NUDT3: variants seen among roughly 807,000 people sequenced by gnomAD.
NUDT3 encodes the protein diphosphoinositol polyphosphate phosphohydrolase 1.
In NUDT3, 9 loss-of-function variants were observed where a neutral mutation model predicts 23.6. That is an observed-to-expected ratio of 0.38 (90% CI 0.23 to 0.66). The LOEUF (loss-of-function observed/expected upper bound fraction) is 0.66, where lower values mean the gene tolerates loss of function less well. Ranked by LOEUF, NUDT3 falls within the 30% of genes least tolerant of loss-of-function variation. The probability of loss-of-function intolerance (pLI) is 0.52; values close to 1 mark genes in which losing one functional copy is unlikely to be tolerated. For missense variants in NUDT3, 172 were observed against 218.5 expected (o/e 0.79, Z 1.34); for synonymous variants, 86 against 82.6 (o/e 1.04, Z -0.22).
chr6:34,357,430 G>C (rs530691432), intron 1 of NUDT3, among the ~76,000 whole-genome samples: 71 of 151,962 alleles, frequency 4.7e-4, no homozygotes, highest in Admixed American at 1.8e-3. Flanking sequence ...CTGGACAACA[G>C]GGCAAAACCT....
chr6:34,342,570 C>T (rs934586615), intron 1 of NUDT3, among the ~76,000 whole-genome samples: 15 of 152,208 alleles, frequency 9.9e-5, no homozygotes, highest in Non-Finnish European at 2.1e-4. Context: ...TTCAGCTAAA[C>T]TAAAACTGGA....
chr6:34,307,795 A>C (rs1209687946), intron 2 of NUDT3, among the ~76,000 whole-genome samples: 1 of 152,030 alleles, frequency 6.6e-6, no homozygotes, highest in Non-Finnish European at 1.5e-5. Context: ...ATCCAACTAC[A>C]CTTTAAACAT....
chr6:34,319,047 A>G (rs1763901772), intron 2 of NUDT3, among the ~76,000 whole-genome samples: 1 of 152,040 alleles, frequency 6.6e-6, no homozygotes, highest in Non-Finnish European at 1.5e-5. Flanking sequence ...AGTAAAAAAA[A>G]AAAAGGGCTG....
At chr6:34,359,046 A>C (rs1042341149) in intron 1 of NUDT3, among the ~76,000 whole-genome samples, 1 of 152,188 alleles carries the variant, frequency 6.6e-6, no homozygotes, top group Non-Finnish European at 1.5e-5. Context: ...TATCACAATA[A>C]ATCACAGAAA....
rs577859141 is a variant in NUDT3, at chr6:34,309,699, C to T, written c.211-14014G>A. On this transcript the variant is annotated intron_variant, in intron 2 of 4. Transcript: ENST00000607016. ...ATATAAAAATTGATAAGTCTTCAGC[C>T]ACGCTAATTAAGAAAAAAAGAAGAC... is the stretch of plus-strand genomic sequence containing the variant. Among the ~76,000 whole-genome samples, 4 of 151,738 alleles carry T rather than the reference C, an allele frequency of 2.6e-5. No individual in the cohort carries two copies. The East Asian group carries it at 7.7e-4, about 29-fold the overall frequency.
chr6:34,381,964 T>TC (rs1190886286), intron 1 of NUDT3, among the ~76,000 whole-genome samples: 4 of 146,816 alleles, frequency 2.7e-5, no homozygotes, highest in Non-Finnish European at 4.4e-5. Context: ...CCCCAGCTAC[T>TC]CGGGAGGCTG....
At chr6:34,365,800 G>A (rs1045670467) in intron 1 of NUDT3, among the ~76,000 whole-genome samples, 1 of 152,160 alleles carries the variant, frequency 6.6e-6, no homozygotes, top group Non-Finnish European at 1.5e-5. Flanking sequence ...CCAGCACTTT[G>A]GGAGGCCAAG....
intron 2 of NUDT3, among the ~76,000 whole-genome samples, chr6:34,329,722 T>C (rs185288850): frequency 6.6e-6 from 1 of 152,328 alleles, no homozygotes; most frequent in East Asian, 1.9e-4. Flanking sequence ...TACATATGTA[T>C]ACATGTGCCA....
At chr6:34,294,268 G>T (rs958102155) in intron 3 of NUDT3, among the ~76,000 whole-genome samples, 1 of 151,786 alleles carries the variant, frequency 6.6e-6, no homozygotes, top group Non-Finnish European at 1.5e-5. Context: ...TTACATATGT[G>T]AGCCACCACA....
In NUDT3 at chr6:34,284,813, G is replaced by A. The variant is rs1763315942; in HGVS notation, c.*3940C>T. On this transcript the variant is annotated 3_prime_UTR_variant, in exon 5 of 5. Transcript: ENST00000607016. The stretch of plus-strand genomic sequence containing the variant: ...TTTTTTCTTCTAAGCAAGCAAGCCT[G>A]AGAGGCATTACATGGGCTGGCTCCT... 1 of 152,176 alleles carries A rather than the reference G, an allele frequency of 6.6e-6. No individual in the cohort carries two copies. The highest frequency in any genetic ancestry group is 6.5e-5 in the Admixed American group (1 of 15,276). 9.4% of individuals were successfully genotyped at this position (152,176 alleles called of 1,614,324 possible).
chr6:34,336,163 G>T (rs1764206362), intron 2 of NUDT3, among the ~76,000 whole-genome samples: 1 of 152,062 alleles, frequency 6.6e-6, no homozygotes, highest in Non-Finnish European at 1.5e-5. Flanking sequence ...CCGCTACTTG[G>T]GAGGCTGAGG....
chr6:34,324,635 T>C (rs1420992442), intron 2 of NUDT3, among the ~76,000 whole-genome samples: 1 of 152,256 alleles, frequency 6.6e-6, no homozygotes, highest in Non-Finnish European at 1.5e-5. Context: ...AGCACCTATA[T>C]ATTTAAAACT....
At chr6:34,359,581 A>G (rs1025135858) in intron 1 of NUDT3, among the ~76,000 whole-genome samples, 3 of 152,196 alleles carry the variant, frequency 2.0e-5, no homozygotes, top group Admixed American at 2.0e-4. Context: ...AAGTTCATCC[A>G]TATTGTAGCA....
At chr6:34,314,877 C>G (rs1763835372) in intron 2 of NUDT3, among the ~76,000 whole-genome samples, 1 of 152,070 alleles carries the variant, frequency 6.6e-6, no homozygotes, top group Non-Finnish European at 1.5e-5. Flanking sequence ...ATGCTCCGGA[C>G]AAGAAAATTG....
chr6:34,317,949 T>C (rs1192008619), intron 2 of NUDT3, among the ~76,000 whole-genome samples: 1 of 152,204 alleles, frequency 6.6e-6, no homozygotes, highest in Non-Finnish European at 1.5e-5. Context: ...CAACTCATCT[T>C]ATCCTCACAA....
chr6:34,371,687 T>C (rs1176833718), intron 1 of NUDT3, among the ~76,000 whole-genome samples: 1 of 152,206 alleles, frequency 6.6e-6, no homozygotes, highest in Non-Finnish European at 1.5e-5. Context: ...GGAAATAGAC[T>C]GGCAAGATGA....
At chr6:34,292,938 A>G (rs896464870) in intron 4 of NUDT3, among the ~76,000 whole-genome samples, 22 of 152,248 alleles carry the variant, frequency 1.4e-4, no homozygotes, top group African/African-American at 5.3e-4. Context: ...CTATTTGTGG[A>G]CCATGTACTC....
chr6:34,329,019 A>G (rs1255969669), intron 2 of NUDT3, among the ~76,000 whole-genome samples: 1 of 152,172 alleles, frequency 6.6e-6, no homozygotes, highest in Non-Finnish European at 1.5e-5. Flanking sequence ...CCCACTCCAG[A>G]GCCAAACATT....
intron 2 of NUDT3, among the ~76,000 whole-genome samples, chr6:34,320,053 T>C (rs1450221156): frequency 6.6e-6 from 1 of 152,192 alleles, no homozygotes; most frequent in Non-Finnish European, 1.5e-5. Context: ...TCCTTTTTAA[T>C]AATTTACATG....
Sources: allele counts gnomAD v4.1 joint callset (sites outside exome capture counted in the v4.1 genomes callset), GRCh38; gene constraint gnomAD v4.1.1; transcripts MANE v1.5; gene names NCBI Gene and HGNC (gene_info 2026-07-23, HGNC 2026-07-21).